Variants in SLC39A10 observed in about 807,000 individuals in gnomAD.
SLC39A10 encodes the protein solute carrier family 39 member 10.
Under a neutral mutation model 65.1 loss-of-function variants are expected in SLC39A10, and 13 were observed. The observed-to-expected ratio is 0.20, with a 90% confidence interval of 0.13 to 0.32. SLC39A10 has a LOEUF of 0.32. Ranked by LOEUF, SLC39A10 falls within the 10% of genes least tolerant of loss-of-function variation. The pLI is 1.00. For synonymous variants in SLC39A10, 321 were observed against 342.2 expected (o/e 0.94, Z 0.68); for missense variants, 831 against 1,018.4 (o/e 0.82, Z 2.50).
intron 2 of SLC39A10, among the ~76,000 whole-genome samples, chr2:195,635,496 G>A (rs1688678760): frequency 6.6e-6 from 1 of 152,158 alleles, no homozygotes; most frequent in Admixed American, 6.5e-5. Context: ...CAGCAGTAGT[G>A]GATAGCACTG....
At chr2:195,674,530 G>A (rs767311438) in intron 1 of SLC39A10, 16 of 949,684 alleles carry the variant, frequency 1.7e-5, no homozygotes, top group Non-Finnish European at 2.0e-5. Flanking sequence ...ACCCGCCTCG[G>A]CCTCCCAAAG....
chr2:195,680,685 A>G lies in SLC39A10; in HGVS notation c.643A>G (p.Thr215Ala). 2 of 1,614,126 alleles carry G rather than the reference A, an allele frequency of 1.2e-6. No individual in the cohort carries two copies. Among genetic ancestry groups the G allele is most frequent in the South Asian group, 1.1e-5 (1 of 91,070 alleles). The part of the protein sequence containing the change: ...ERGEPSNEPS[T>A]ETNKTQEQSD... ...TGGGGAGCCTAGCAATGAACCTTCA[A>G]CAGAGACCAATAAAACCCAGGAACA... Residue 215 changes from threonine (T) to alanine (A), a missense_variant, in exon 2 of 10, where the codon ACA (threonine) becomes GCA (alanine). Around this residue, in one of 4 missense-constraint regions of SLC39A10, gnomAD observed 446 missense variants for 499.2 expected, o/e 0.89. Coordinates refer to ENST00000359634, the MANE Select transcript of SLC39A10 (RefSeq NM_020342.3).
intron 3 of SLC39A10, among the ~76,000 whole-genome samples, chr2:195,702,909 G>A (rs1167366029): frequency 6.6e-6 from 1 of 152,214 alleles, no homozygotes; most frequent in Non-Finnish European, 1.5e-5. Flanking sequence ...TAGGGCACAA[G>A]TAAATTGATT....
At chr2:195,707,490 T>C (rs1382811152) in intron 4 of SLC39A10, among the ~76,000 whole-genome samples, 1 of 152,172 alleles carries the variant, frequency 6.6e-6, no homozygotes, top group African/African-American at 2.4e-5. Context: ...TCTAGAGAAT[T>C]TGGGAGACAG....
chr2:195,697,300 G>C (rs1691002905), intron 3 of SLC39A10, among the ~76,000 whole-genome samples: 1 of 152,116 alleles, frequency 6.6e-6, no homozygotes, highest in African/African-American at 2.4e-5. Flanking sequence ...CTGTAGGGGG[G>C]TACTAGAACT....
intron 3 of SLC39A10, among the ~76,000 whole-genome samples, chr2:195,691,843 T>C (rs1007993978): frequency 6.6e-6 from 1 of 152,260 alleles, no homozygotes; most frequent in African/African-American, 2.4e-5. Flanking sequence ...ATTATTTTCT[T>C]TTGCTGTGCA....
intron 1 of SLC39A10, among the ~76,000 whole-genome samples, chr2:195,663,461 T>C (rs1186393343): frequency 6.6e-6 from 1 of 152,142 alleles, no homozygotes; most frequent in African/African-American, 2.4e-5. Context: ...CAATACATGG[T>C]GTGTTACTAC....
intron 1 of SLC39A10, chr2:195,657,638 G>T: frequency 1.0e-6 from 1 of 985,262 alleles, no homozygotes; most frequent in Non-Finnish European, 1.2e-6. Flanking sequence ...GCCGCGCCCG[G>T]GGTGGGGGAG....
chr2:195,674,233 GTT>G (rs1559027083), intron 1 of SLC39A10, among the ~76,000 whole-genome samples: 4 of 151,950 alleles, frequency 2.6e-5, no homozygotes, highest in African/African-American at 4.8e-5. Flanking sequence ...GAGCATTTAG[GTT>G]GTAGCAGGCA....
At chr2:195,651,753 G>A (rs1689036563), upstream of SLC39A10, among the ~76,000 whole-genome samples, 1 of 152,184 alleles carries the variant, frequency 6.6e-6, no homozygotes, top group African/African-American at 2.4e-5. Flanking sequence ...GGGATTACAG[G>A]TGTGAGCCAC....
upstream of SLC39A10, chr2:195,657,028 T>C (rs1375201191): frequency 6.6e-6 from 1 of 152,294 alleles, no homozygotes; most frequent in Non-Finnish European, 1.5e-5. Flanking sequence ...GTGCGACTCC[T>C]TTACGCAACT....
intron 1 of SLC39A10, among the ~76,000 whole-genome samples, chr2:195,673,596 C>G (rs1689963573): frequency 6.6e-6 from 1 of 152,154 alleles, no homozygotes; most frequent in African/African-American, 2.4e-5. Context: ...TAAATAGGCA[C>G]TCTCAAATTT....
intron 1 of SLC39A10, among the ~76,000 whole-genome samples, chr2:195,668,231 C>A (rs1221601616): frequency 6.6e-6 from 1 of 152,196 alleles, no homozygotes; most frequent in African/African-American, 2.4e-5. Context: ...GCCATTCAGT[C>A]ATATAGATAC....
chr2:195,636,541 G>A (rs927687107), intron 2 of SLC39A10, among the ~76,000 whole-genome samples: 6 of 151,962 alleles, frequency 3.9e-5, no homozygotes, highest in African/African-American at 1.5e-4. Context: ...CACAAGGTCA[G>A]GAGGTCGAGA....
At chr2:195,694,174 A>G (rs1690849938) in intron 3 of SLC39A10, among the ~76,000 whole-genome samples, 2 of 152,106 alleles carry the variant, frequency 1.3e-5, no homozygotes, top group Admixed American at 1.3e-4. Flanking sequence ...TACTTGATAC[A>G]ATTTTCATTT....
At chr2:195,696,597 A>G (rs1464826166) in intron 3 of SLC39A10, among the ~76,000 whole-genome samples, 2 of 152,098 alleles carry the variant, frequency 1.3e-5, no homozygotes, top group African/African-American at 2.4e-5. Flanking sequence ...CCCTTGAACA[A>G]CGTGGGGGGA....
rs570508291 is a variant in SLC39A10, at chr2:195,731,884, C to G, written c.2338-2999C>G. ...GTAAGTCTATAGCTAGGACTATATTCTGAGGAAATAACATGACTACTCCTG... is the reference window on the plus strand; with the variant it reads ...GTAAGTCTATAGCTAGGACTATATTGTGAGGAAATAACATGACTACTCCTG... On this transcript the variant is annotated intron_variant, in intron 9 of 9. Transcript: ENST00000359634. Among the ~76,000 whole-genome samples, 166 of 152,248 alleles carry G rather than the reference C, an allele frequency of 1.1e-3. 2 individuals are homozygous for G. Among genetic ancestry groups the G allele is most frequent in the African/African-American group, 3.8e-3 (158 of 41,536 alleles).
chr2:195,664,717 A>G (rs538365043), intron 1 of SLC39A10, among the ~76,000 whole-genome samples: 2 of 152,324 alleles, frequency 1.3e-5, no homozygotes, highest in East Asian at 3.9e-4. Flanking sequence ...TGCTGGTGGC[A>G]GTATAACCAA....
intron 1 of SLC39A10, among the ~76,000 whole-genome samples, chr2:195,679,588 G>T (rs114690151): frequency 1.6e-4 from 25 of 152,136 alleles, no homozygotes; most frequent in African/African-American, 6.0e-4. Context: ...ATAGCCATCC[G>T]TTTATTTAGG....
Sources: allele counts gnomAD v4.1 joint callset (sites outside exome capture counted in the v4.1 genomes callset), GRCh38; gene constraint gnomAD v4.1.1; regional missense constraint gnomAD v4.1.1; transcripts MANE v1.5; gene names NCBI Gene and HGNC (gene_info 2026-07-23, HGNC 2026-07-21).